Variants in ATXN7 observed in about 807,000 individuals in gnomAD.
ATXN7 encodes ataxin 7.
A neutral mutation model predicts 70.5 loss-of-function variants in ATXN7; 12 were observed. The observed-to-expected ratio is 0.17, with a 90% CI of 0.11 to 0.28. The LOEUF (loss-of-function observed/expected upper bound fraction) is 0.28, where lower values mean the gene tolerates loss of function less well. ATXN7 is among the 10% of genes least tolerant of loss of function. The pLI is 1.00. For missense variants in ATXN7, 1,256 were observed against 1,131.7 expected, an observed-to-expected ratio of 1.11 and a Z score of -1.58; for synonymous variants, 498 against 448.7, an observed-to-expected ratio of 1.11 and a Z score of -1.39.
At chr3:63,888,604 C>G (rs187745434) in intron 1 of ATXN7, among the ~76,000 whole-genome samples, 15 of 152,084 alleles carry the variant, frequency 9.9e-5, no homozygotes, top group African/African-American at 1.9e-4. Flanking sequence ...TGGTGAAACC[C>G]TGTCTCTACT....
intron 5 of ATXN7, among the ~76,000 whole-genome samples, chr3:63,965,437 A>G (rs2075204133): frequency 6.6e-6 from 1 of 152,156 alleles, no homozygotes; most frequent in Admixed American, 6.5e-5. Context: ...TTTGCTGCGA[A>G]TAGGCTAATG....
intron 11 of ATXN7, among the ~76,000 whole-genome samples, chr3:63,993,245 G>A (rs967417160): frequency 2.0e-5 from 3 of 149,224 alleles, no homozygotes; most frequent in African/African-American, 5.0e-5. Flanking sequence ...AGAAGGGGCT[G>A]GGATGGTTTT....
Position 63,912,704 on chromosome 3 carries a change from CAGCAGCAGCA to C in ATXN7, c.107_116del (p.Gln36ArgfsTer51). The C allele has an allele frequency of 8.4e-7, 1 of 1,191,814 alleles. No homozygotes were observed. The highest frequency in any genetic ancestry group is 4.4e-5 in the East Asian group (1 of 22,848). The allele number at this position is 1,191,814 out of a possible 1,614,324, so 73.8% of individuals were successfully genotyped here. ...CGCCCGGCAGCAGCAGCAGCAGCAG[CAGCAGCAGCA>C]GCCGCCGCCTCCGCAGCCCCAGCGG... On this transcript the variant is annotated frameshift_variant, in exon 3 of 13. Coordinates refer to ENST00000674280, the MANE Select transcript of ATXN7 (RefSeq NM_001377405.1). LOFTEE classifies it high-confidence loss of function.
At chr3:63,931,776 CTCTT>C (rs1704974806) in intron 4 of ATXN7, among the ~76,000 whole-genome samples, 2 of 152,108 alleles carry the variant, frequency 1.3e-5, no homozygotes, top group Admixed American at 6.5e-5. Flanking sequence ...AAATGCTGCT[CTCTT>C]TTAGTGTCTC....
At chr3:63,941,304 A>G (rs1410121280) in intron 4 of ATXN7, among the ~76,000 whole-genome samples, 4 of 151,594 alleles carry the variant, frequency 2.6e-5, no homozygotes, top group Non-Finnish European at 5.9e-5. Flanking sequence ...CAGTCAGGCT[A>G]TGGGGTGGGG....
intron 1 of ATXN7, among the ~76,000 whole-genome samples, chr3:63,884,888 G>A (rs1485276423): frequency 6.6e-6 from 1 of 151,626 alleles, no homozygotes; most frequent in Non-Finnish European, 1.5e-5. Flanking sequence ...TGAACTCCTG[G>A]GCTCAAGCGA....
chr3:63,999,362 G>T lies in ATXN7; in HGVS notation c.2662-88G>T, dbSNP rs2075808916. On this transcript the variant is annotated intron_variant, in intron 12 of 12. Coordinates refer to ENST00000674280, the MANE Select transcript of ATXN7 (RefSeq NM_001377405.1). ...GAGACTTTAGTAGCGTGCAGCCTTT[G>T]GAATATTCTTGTTTAGAATCAATAG... 6 of 1,105,442 alleles carry T rather than the reference G, an allele frequency of 5.4e-6. No homozygotes were observed. In the South Asian group the frequency reaches 7.7e-5, roughly 14 times the overall value. The allele number at this position is 1,105,442 out of a possible 1,614,324, so 68.5% of individuals were successfully genotyped here. A position where few individuals can be genotyped will look rare whatever the true frequency, so the allele number is the denominator to read the frequency against.
At chr3:63,898,853 T>TC (rs1014561781) in intron 2 of ATXN7, among the ~76,000 whole-genome samples, 8 of 152,222 alleles carry the variant, frequency 5.3e-5, no homozygotes, top group African/African-American at 1.9e-4. Flanking sequence ...CCAGCACCAT[T>TC]CCCCCAGCTC....
At chr3:63,904,137 C>G (rs1377893926) in intron 2 of ATXN7, 2 of 152,208 alleles carry the variant, frequency 1.3e-5, no homozygotes. Context: ...AATCTGCTCT[C>G]TGTCTGTATG....
At chr3:63,924,424 C>CAGAGGA (rs1704635854) in intron 4 of ATXN7, among the ~76,000 whole-genome samples, 1 of 152,030 alleles carries the variant, frequency 6.6e-6, no homozygotes, top group Admixed American at 6.6e-5. Flanking sequence ...AGTCGTGGGA[C>CAGAGGA]CTAGGTTTGT....
At chr3:63,932,844 G>C (rs1005268397) in intron 4 of ATXN7, among the ~76,000 whole-genome samples, 1 of 152,094 alleles carries the variant, frequency 6.6e-6, no homozygotes, top group African/African-American at 2.4e-5. Flanking sequence ...CTTGCTTTTT[G>C]TGTTCAGCCA....
rs1354662346 is a variant in ATXN7, at chr3:64,001,240, AAGGAG to A, written c.*1776_*1780del. On this transcript the variant is annotated 3_prime_UTR_variant, in exon 13 of 13. Coordinates refer to ENST00000674280, the MANE Select transcript of ATXN7 (RefSeq NM_001377405.1). ...TGTAAAATACTGATTTTTTTAAAGG[AAGGAG>A]AGAACAGTATCTTGTTCAATTATTA... The A allele has an allele frequency of 2.0e-5, 3 of 152,214 alleles. No homozygotes were observed. The highest frequency in any genetic ancestry group is 2.9e-5 in the Non-Finnish European group (2 of 68,036). 9.4% of individuals were successfully genotyped at this position (152,214 alleles called of 1,614,324 possible).
intron 4 of ATXN7, among the ~76,000 whole-genome samples, chr3:63,921,560 C>A (rs1704512967): frequency 6.6e-6 from 1 of 152,160 alleles, no homozygotes. Context: ...AGCTTTAAAT[C>A]ATTATTTCCA....
intron 4 of ATXN7, among the ~76,000 whole-genome samples, chr3:63,945,086 C>T (rs1164201629): frequency 6.6e-6 from 1 of 152,214 alleles, no homozygotes; most frequent in Non-Finnish European, 1.5e-5. Flanking sequence ...GCCACCGCAC[C>T]CAACCTGTGT....
intron 1 of ATXN7, among the ~76,000 whole-genome samples, chr3:63,893,003 G>A (rs985264611): frequency 1.3e-5 from 2 of 152,120 alleles, no homozygotes; most frequent in Non-Finnish European, 2.9e-5. Context: ...TGCAGTGGAG[G>A]GAATGGTTTT....
chr3:63,896,292 T>G (rs1202502190), intron 1 of ATXN7, among the ~76,000 whole-genome samples: 1 of 145,656 alleles, frequency 6.9e-6, no homozygotes, highest in East Asian at 2.2e-4. Context: ...TACATCTTTT[T>G]TAAAATTATA....
chr3:63,893,493 AT>A (rs2107251774), intron 1 of ATXN7, among the ~76,000 whole-genome samples: 1 of 152,334 alleles, frequency 6.6e-6, no homozygotes, highest in African/African-American at 2.4e-5. Flanking sequence ...GGATGGCTAT[AT>A]TGAACATATT....
chr3:63,939,669 G>T (rs1007095445), intron 4 of ATXN7, among the ~76,000 whole-genome samples: 2 of 152,142 alleles, frequency 1.3e-5, no homozygotes, highest in Non-Finnish European at 2.9e-5. Context: ...AAGAAAAATG[G>T]CTGAATCTGT....
intron 4 of ATXN7, among the ~76,000 whole-genome samples, chr3:63,935,859 C>G (rs958330727): frequency 6.6e-6 from 1 of 152,084 alleles, no homozygotes; most frequent in Admixed American, 6.5e-5. Context: ...GAGTATACAG[C>G]ACAAACTAAT....
Sources: allele counts gnomAD v4.1 joint callset (sites outside exome capture counted in the v4.1 genomes callset), GRCh38; gene constraint gnomAD v4.1.1; transcripts MANE v1.5; gene names NCBI Gene and HGNC (gene_info 2026-07-23, HGNC 2026-07-21).